The following ALDH3A2 variants were observed in gnomAD, a reference collection of about 807,000 sequenced individuals.
The protein encoded by ALDH3A2 is aldehyde dehydrogenase family 3 member A2.
A neutral mutation model predicts 51.3 loss-of-function variants in ALDH3A2; 36 were observed. The observed-to-expected ratio is 0.70, with a 90% CI of 0.54 to 0.93. The LOEUF (loss-of-function observed/expected upper bound fraction) is 0.93, where lower values mean the gene tolerates loss of function less well. Ranked by LOEUF, ALDH3A2 falls within the 40% of genes least tolerant of loss-of-function variation. The pLI is 0.00. For missense variants in ALDH3A2, 552 were observed against 603.1 expected, an observed-to-expected ratio of 0.92 and a Z score of 0.89; for synonymous variants, 199 against 219.8, an observed-to-expected ratio of 0.91 and a Z score of 0.84.
chr17:19,666,854 AC>A (rs1490723827), intron 8 of ALDH3A2, among the ~76,000 whole-genome samples: 13 of 151,290 alleles, frequency 8.6e-5, no homozygotes, highest in African/African-American at 3.1e-4. Context: ...TTATATACCC[AC>A]AAAAATTAAA....
intron 8 of ALDH3A2, among the ~76,000 whole-genome samples, chr17:19,666,536 G>C (rs1190946695): frequency 6.6e-6 from 1 of 152,168 alleles, no homozygotes; most frequent in Non-Finnish European, 1.5e-5. Context: ...CAGCACTTTG[G>C]GAGGCCGAGG....
chr17:19,675,494 A>G, intron 9 of ALDH3A2, 64 bp from the exon 10 acceptor site: 25 of 1,550,584 alleles, frequency 1.6e-5, no homozygotes, highest in Non-Finnish European at 2.2e-5. Context: ...TTGTGTTGCA[A>G]GGCTGGTTGT....
At chr17:19,662,042 C>T (rs1567602834) in intron 6 of ALDH3A2, 1 of 151,956 alleles carries the variant, frequency 6.6e-6, no homozygotes, top group Admixed American at 6.6e-5. Flanking sequence ...AATCCTTGTG[C>T]CTTCTATCTC....
rs144742716 is a variant in ALDH3A2, at chr17:19,659,901, A to G, written c.799-1226A>G. Among the ~76,000 whole-genome samples the G allele has an allele frequency of 2.6e-5, 4 of 151,970 alleles. 1 individual carries two copies. The highest frequency in any genetic ancestry group is 2.0e-4 in the Admixed American group (3 of 15,266). ...AGGAAGTTCAGGACAATAGTTCACT[A>G]TGTGTTCCAGGCAGAGTAACTTGGG... On this transcript the variant is annotated intron_variant, in intron 5 of 9. Coordinates refer to ENST00000176643, the MANE Select transcript of ALDH3A2 (RefSeq NM_000382.3).
rs944085710 is a variant in ALDH3A2, at chr17:19,676,899, T to A, written c.*1327T>A. On this transcript the variant is annotated 3_prime_UTR_variant, in exon 10 of 10. Coordinates refer to ENST00000176643, the MANE Select transcript of ALDH3A2 (RefSeq NM_000382.3). Reference sequence around the variant, plus strand: ...GGCCTGGGATATTAGGACTTTGGGGTTTGAGAGCATCATGGGGCAGACAGA... The same window carrying A: ...GGCCTGGGATATTAGGACTTTGGGGATTGAGAGCATCATGGGGCAGACAGA... The A allele has an allele frequency of 6.6e-6, 1 of 152,044 alleles. No homozygotes were observed. Among genetic ancestry groups the A allele is most frequent in the African/African-American group, 2.4e-5 (1 of 41,354 alleles). 9.4% of individuals were successfully genotyped at this position (152,044 alleles called of 1,614,324 possible). A position where few individuals can be genotyped will look rare whatever the true frequency, so the allele number is the denominator to read the frequency against.
In ALDH3A2 at chr17:19,666,515, G is replaced by T. The variant is rs2085039801; in HGVS notation, c.1207+1468G>T. Among the ~76,000 whole-genome samples, 4 of 152,150 alleles carry T rather than the reference G, an allele frequency of 2.6e-5. No individual in the cohort carries two copies. The South Asian group carries it at 8.3e-4, about 32-fold the overall frequency. The stretch of plus-strand genomic sequence containing the variant: ...AACAAGGCTGGGCGCAGTGGCTCAT[G>T]CCTGTAATCCCAGCACTTTGGGAGG... On this transcript the variant is annotated intron_variant, in intron 8 of 9. Transcript: ENST00000176643.
rs2085119763 is a variant in ALDH3A2, at chr17:19,671,883, A to G, written c.1370A>G (p.Lys457Arg). The change falls in exon 9 of 10, where the codon AAA (lysine) becomes AGA (arginine). Residue 457 changes from lysine to arginine, a missense_variant. By Grantham distance (26) the Lys-to-Arg change is conservative (BLOSUM62 2). Coordinates refer to ENST00000176643, the MANE Select transcript of ALDH3A2 (RefSeq NM_000382.3). The stretch of plus-strand genomic sequence containing the variant: ...GATTGGGGAAAATTTTTTCTCTTGA[A>G]ACGGTTCAACAAAGAAAAACTCGGT... ...KVDWGKFFLL[K>R]RFNKEKLGLL... The G allele has an allele frequency of 6.2e-7, 1 of 1,614,150 alleles. No homozygotes were observed. Among genetic ancestry groups the G allele is most frequent in the East Asian group, 2.2e-5 (1 of 44,882 alleles).
chr17:19,669,962 G>T (rs887797099), intron 8 of ALDH3A2, among the ~76,000 whole-genome samples: 1 of 152,132 alleles, frequency 6.6e-6, no homozygotes, highest in African/African-American at 2.4e-5. Context: ...TTTAGAGACA[G>T]ACAACTAATA....
intron 3 of ALDH3A2, 141 bp downstream of exon 3, chr17:19,652,773 A>G: frequency 2.7e-6 from 2 of 736,082 alleles, no homozygotes; most frequent in Non-Finnish European, 4.8e-6. Flanking sequence ...TTAGCAAAAG[A>G]AGTTCGGTTC....
chr17:19,669,485 C>G (rs907586942), intron 8 of ALDH3A2, among the ~76,000 whole-genome samples: 7 of 151,988 alleles, frequency 4.6e-5, no homozygotes, highest in Admixed American at 4.6e-4. Flanking sequence ...TTAGGGTTTT[C>G]TCATTGGTTG....
At chr17:19,670,045 G>C (rs997687245) in intron 8 of ALDH3A2, among the ~76,000 whole-genome samples, 1 of 152,188 alleles carries the variant, frequency 6.6e-6, no homozygotes, top group African/African-American at 2.4e-5. Flanking sequence ...CCAGTAGTTT[G>C]CTCTTTAGGA....
At chr17:19,675,483 CTTGTGT>C in intron 9 of ALDH3A2, 69 bp from the exon 10 acceptor site, 1 of 1,468,436 alleles carries the variant, frequency 6.8e-7, no homozygotes, top group Non-Finnish European at 9.5e-7. Flanking sequence ...CAGTGCTGAG[CTTGTGT>C]TGCAAGGCTG....
chr17:19,672,494 A>G (rs140057867), intron 9 of ALDH3A2: 135 of 172,774 alleles, frequency 7.8e-4, no homozygotes, highest in Middle Eastern at 6.1e-3. Context: ...GATAAAGTTT[A>G]TCTTTGGTGA....
At chr17:19,661,329 A>G (rs1297820283) in intron 6 of ALDH3A2, 61 bp downstream of exon 6, 2 of 1,560,670 alleles carry the variant, frequency 1.3e-6, no homozygotes, top group Non-Finnish European at 8.8e-7. Context: ...TGCTGACACT[A>G]CTTATTAACA....
chr17:19,655,073 G>A (rs1175636116), intron 3 of ALDH3A2, among the ~76,000 whole-genome samples: 2 of 152,214 alleles, frequency 1.3e-5, no homozygotes, highest in African/African-American at 4.8e-5. Flanking sequence ...TGAGTCAGAG[G>A]TTCTTATGCC....
chr17:19,664,957 C>A lies in ALDH3A2; in HGVS notation c.1117C>A (p.Arg373=). The A allele has an allele frequency of 2.5e-6, 4 of 1,613,510 alleles. No homozygotes were observed. The highest frequency in any genetic ancestry group is 3.4e-6 in the Non-Finnish European group (4 of 1,179,826). The change falls in exon 8 of 10, where the codon CGG becomes AGG. Residue 373 remains arginine (R), a synonymous_variant. Coordinates refer to ENST00000176643, the MANE Select transcript of ALDH3A2 (RefSeq NM_000382.3). ...VFSHNHKLIK[R]MIDETSSGGV... The stretch of plus-strand genomic sequence containing the variant: ...TTTGGTCTGTCCTCAGCTCATCAAA[C>A]GGATGATTGATGAGACATCCAGTGG...
chr17:19,667,979 C>T (rs1285116622), intron 8 of ALDH3A2, among the ~76,000 whole-genome samples: 1 of 152,104 alleles, frequency 6.6e-6, no homozygotes, highest in East Asian at 1.9e-4. Flanking sequence ...TCCTTATATC[C>T]CCAATTCTGG....
At position 19,649,014 on chromosome 17, in the gene ALDH3A2, G is replaced by A. The variant is rs1386385223; in HGVS notation, c.43G>A (p.Gly15Ser). ...VRRVRQAFLS[G>S]RSRPLRFRLQ... ...GCGGGTCCGACAGGCGTTCCTGTCC[G>A]GCCGGTCGCGACCTCTGCGGTTTCG... is the stretch of plus-strand genomic sequence containing the variant. The change falls in exon 1 of 10, where the codon GGC becomes AGC. Residue 15 changes from glycine to serine, a missense_variant. Physicochemically the swap from Gly to Ser is moderately conservative, Grantham distance 56. Transcript: ENST00000176643. The A allele has an allele frequency of 6.3e-7, 1 of 1,582,374 alleles. No homozygotes were observed. The highest frequency in any genetic ancestry group is 1.2e-5 in the South Asian group (1 of 86,796).
intron 6 of ALDH3A2, chr17:19,662,196 G>A (rs945988146): frequency 6.6e-6 from 1 of 152,108 alleles, no homozygotes; most frequent in African/African-American, 2.4e-5. Context: ...AAGAGGAAGG[G>A]GCTATCCTGA....
Sources: gnomAD v4.1 joint callset for allele counts (sites outside exome capture counted in the v4.1 genomes callset) on GRCh38, gnomAD v4.1.1 for gene constraint, MANE v1.5 for transcripts, NCBI Gene and HGNC (gene_info 2026-07-23, HGNC 2026-07-21) for gene names.